The following RBFOX1 variants were observed in gnomAD, a reference collection of about 807,000 sequenced individuals.
RBFOX1 encodes RNA binding protein fox-1 homolog 1.
A neutral mutation model predicts 57.7 loss-of-function variants in RBFOX1; 8 were observed. The observed-to-expected ratio is 0.14, with a 90% CI of 0.08 to 0.25. The LOEUF is 0.25. Ranked by LOEUF, RBFOX1 falls within the 10% of genes least tolerant of loss-of-function variation. The pLI is 1.00. For missense variants in RBFOX1, 611 were observed against 548.5 expected, an observed-to-expected ratio of 1.11 and a Z score of -1.14; for synonymous variants, 326 against 222.4, an observed-to-expected ratio of 1.47 and a Z score of -4.15.
chr16:7,101,211 G>A (rs2062632627), intron 4 of RBFOX1, among the ~76,000 whole-genome samples: 1 of 152,152 alleles, frequency 6.6e-6, no homozygotes, highest in Non-Finnish European at 1.5e-5. Flanking sequence ...CCCCATTTTT[G>A]TGACTAGGAA....
intron 3 of RBFOX1, among the ~76,000 whole-genome samples, chr16:6,743,141 G>T (rs2072699686): frequency 6.6e-6 from 1 of 152,090 alleles, no homozygotes; most frequent in Admixed American, 6.6e-5. Context: ...CTTTTATAGT[G>T]TTACTGTAAA....
chr16:5,591,797 G>A (rs1322617007), intron 2 of RBFOX1, among the ~76,000 whole-genome samples: 3 of 152,102 alleles, frequency 2.0e-5, no homozygotes, highest in Non-Finnish European at 4.4e-5. Flanking sequence ...GTTGTTCCCA[G>A]TATTTTGTAA....
At chr16:6,836,392 T>C (rs534639379) in intron 3 of RBFOX1, among the ~76,000 whole-genome samples, 2 of 152,308 alleles carry the variant, frequency 1.3e-5, no homozygotes, top group South Asian at 2.1e-4. Context: ...AGAAACCCCA[T>C]AGGGTTTTAA....
intron 1 of RBFOX1, among the ~76,000 whole-genome samples, chr16:5,259,939 C>T (rs1244058743): frequency 6.6e-6 from 1 of 152,166 alleles, no homozygotes; most frequent in Non-Finnish European, 1.5e-5. Context: ...CGGTGGCTCA[C>T]ACCTGTAATC....
At chr16:7,135,290 G>A (rs2071607962) in intron 4 of RBFOX1, among the ~76,000 whole-genome samples, 1 of 152,170 alleles carries the variant, frequency 6.6e-6, no homozygotes, top group Non-Finnish European at 1.5e-5. Flanking sequence ...AGTGGACAGA[G>A]GCTTAGAGAG....
At chr16:7,471,745 G>A (rs537195168) in intron 4 of RBFOX1, among the ~76,000 whole-genome samples, 5 of 152,278 alleles carry the variant, frequency 3.3e-5, no homozygotes, top group African/African-American at 1.2e-4. Flanking sequence ...TAAAGTAGAA[G>A]AGACAGGAAA....
At chr16:7,050,228 T>C (rs1168083594) in intron 3 of RBFOX1, among the ~76,000 whole-genome samples, 2 of 151,386 alleles carry the variant, frequency 1.3e-5, no homozygotes, top group African/African-American at 4.8e-5. Flanking sequence ...CCCAGTCTTT[T>C]CCTCTTTAGC....
At chr16:5,335,315 A>G (rs2064868245) in intron 1 of RBFOX1, among the ~76,000 whole-genome samples, 1 of 152,184 alleles carries the variant, frequency 6.6e-6, no homozygotes, top group African/African-American at 2.4e-5. Context: ...ATGGAGCCTG[A>G]GGCTTGCCGC....
At chr16:5,458,988 T>A (rs1357665013) in intron 1 of RBFOX1, among the ~76,000 whole-genome samples, 1 of 152,214 alleles carries the variant, frequency 6.6e-6, no homozygotes, top group Non-Finnish European at 1.5e-5. Flanking sequence ...CTTCCATCTC[T>A]GTACCACTCT....
intron 2 of RBFOX1, among the ~76,000 whole-genome samples, chr16:6,375,289 A>G (rs556011134): frequency 0.013 from 1,834 of 142,064 alleles, 42 homozygotes; most frequent in African/African-American, 0.051. Flanking sequence ...CAGAGTGGGG[A>G]AAAAAAACAA....
At chr16:5,533,604 T>G (rs2044574646) in intron 2 of RBFOX1, among the ~76,000 whole-genome samples, 1 of 152,168 alleles carries the variant, frequency 6.6e-6, no homozygotes, top group Non-Finnish European at 1.5e-5. Flanking sequence ...AGTAGACATC[T>G]CAGCATGGAT....
chr16:6,619,494 CT>C (rs1437832031), intron 2 of RBFOX1, among the ~76,000 whole-genome samples: 1 of 152,076 alleles, frequency 6.6e-6, no homozygotes, highest in African/African-American at 2.4e-5. Context: ...TCTCATTAAA[CT>C]TATGCCTTTC....
At chr16:5,456,259 A>G (rs1278143861) in intron 1 of RBFOX1, among the ~76,000 whole-genome samples, 1 of 152,296 alleles carries the variant, frequency 6.6e-6, no homozygotes. Flanking sequence ...TGAACGTGCT[A>G]TACTTCATTT....
intron 4 of RBFOX1, among the ~76,000 whole-genome samples, chr16:7,110,945 C>G (rs749156802): frequency 1.3e-5 from 2 of 152,130 alleles, no homozygotes; most frequent in African/African-American, 4.8e-5. Context: ...GGCATCCATG[C>G]TCTCCCTGAA....
At chr16:6,873,777 G>A (rs988257910) in intron 3 of RBFOX1, 3 of 152,116 alleles carry the variant, frequency 2.0e-5, no homozygotes, top group African/African-American at 4.8e-5. Flanking sequence ...CTTAATTATT[G>A]CAGCAACTCT....
At chr16:5,931,524 A>G (rs763443130) in intron 4 of RBFOX1, among the ~76,000 whole-genome samples, 13 of 152,170 alleles carry the variant, frequency 8.5e-5, no homozygotes, top group Non-Finnish European at 1.5e-4. Flanking sequence ...GTAGCCCTGC[A>G]TGCTCAACCA....
chr16:7,470,854 T>C (rs927149757), intron 4 of RBFOX1, among the ~76,000 whole-genome samples: 8 of 151,328 alleles, frequency 5.3e-5, no homozygotes, highest in African/African-American at 1.9e-4. Context: ...TAAAGTAGCA[T>C]TGAGCATAGA....
chr16:6,833,045 C>G (rs989478348), intron 3 of RBFOX1, among the ~76,000 whole-genome samples: 1 of 152,106 alleles, frequency 6.6e-6, no homozygotes, highest in Non-Finnish European at 1.5e-5. Flanking sequence ...TTCTCTTATT[C>G]AAATATTTCA....
At chr16:7,270,002 C>T (rs759705122) in intron 4 of RBFOX1, among the ~76,000 whole-genome samples, 3 of 152,178 alleles carry the variant, frequency 2.0e-5, no homozygotes, top group Non-Finnish European at 4.4e-5. Context: ...TTCATCTTGT[C>T]TGTTTCGTAA....
Sources: gnomAD v4.1 joint callset for allele counts (sites outside exome capture counted in the v4.1 genomes callset) on GRCh38, gnomAD v4.1.1 for gene constraint, MANE v1.5 for transcripts, NCBI Gene and HGNC (gene_info 2026-07-23, HGNC 2026-07-21) for gene names.